GRM5: variants seen among roughly 807,000 people sequenced by gnomAD.
GRM5 encodes the protein metabotropic glutamate receptor 5.
A neutral mutation model predicts 83.1 loss-of-function variants in GRM5; 19 were observed. The ratio of observed to expected loss-of-function variants is 0.23; its 90% confidence interval spans 0.16 to 0.34. The LOEUF (loss-of-function observed/expected upper bound fraction) is 0.34, where lower values mean the gene tolerates loss of function less well. GRM5 is among the 10% of genes least tolerant of loss of function. The probability of loss-of-function intolerance (pLI) is 1.00; values close to 1 mark genes in which losing one functional copy is unlikely to be tolerated. For synonymous variants in GRM5, 675 were observed against 633.6 expected, an observed-to-expected ratio of 1.07 and a Z score of -0.98; for missense variants, 1,160 against 1,588.3, an observed-to-expected ratio of 0.73 and a Z score of 4.58.
At chr11:88,646,286 T>G (rs1200153246) in intron 4 of GRM5, among the ~76,000 whole-genome samples, 4 of 152,022 alleles carry the variant, frequency 2.6e-5, no homozygotes, top group Non-Finnish European at 4.4e-5. Context: ...TAGAGAAAAA[T>G]TATACTCTTA....
At chr11:88,766,754 G>A (rs150347413) in intron 3 of GRM5, among the ~76,000 whole-genome samples, 5 of 151,958 alleles carry the variant, frequency 3.3e-5, no homozygotes, top group Middle Eastern at 3.2e-3. Context: ...TATCAACAGA[G>A]TAAACAGACA....
chr11:88,748,468 G>A (rs1054546452), intron 3 of GRM5, among the ~76,000 whole-genome samples: 1 of 152,128 alleles, frequency 6.6e-6, no homozygotes, highest in Non-Finnish European at 1.5e-5. Context: ...CCAGGGGGAG[G>A]GGTAGCCATC....
At chr11:88,762,811 A>G (rs1942551758) in intron 3 of GRM5, among the ~76,000 whole-genome samples, 1 of 152,050 alleles carries the variant, frequency 6.6e-6, no homozygotes, top group Non-Finnish European at 1.5e-5. Flanking sequence ...AAAACATAGT[A>G]CATGTGCACC....
intron 3 of GRM5, among the ~76,000 whole-genome samples, chr11:88,746,081 G>A (rs1480199583): frequency 6.6e-6 from 1 of 152,016 alleles, no homozygotes; most frequent in Non-Finnish European, 1.5e-5. Context: ...GCCCCCTTTG[G>A]TTCCAACCTT....
chr11:89,050,742 T>C (rs186665322), intron 1 of GRM5, among the ~76,000 whole-genome samples: 1 of 152,178 alleles, frequency 6.6e-6, no homozygotes, highest in East Asian at 1.9e-4. Context: ...ATAAAGAAAA[T>C]GTGGTACATA....
chr11:88,961,442 C>A (rs1938781181), intron 2 of GRM5, among the ~76,000 whole-genome samples: 1 of 151,854 alleles, frequency 6.6e-6, no homozygotes, highest in Non-Finnish European at 1.5e-5. Flanking sequence ...CTGCCATTTG[C>A]AACTGTGCCA....
chr11:88,795,934 C>T (rs537794346), intron 3 of GRM5, among the ~76,000 whole-genome samples: 2 of 152,268 alleles, frequency 1.3e-5, no homozygotes, highest in South Asian at 2.1e-4. Flanking sequence ...ATTAGCTAAT[C>T]ATCTGGATTG....
intron 4 of GRM5, among the ~76,000 whole-genome samples, chr11:88,637,219 A>T (rs1056359858): frequency 6.6e-6 from 1 of 152,210 alleles, no homozygotes; most frequent in Non-Finnish European, 1.5e-5. Context: ...AAACCTAGGC[A>T]TTACCATTCA....
At chr11:88,760,784 T>A (rs575759702) in intron 3 of GRM5, among the ~76,000 whole-genome samples, 73 of 152,246 alleles carry the variant, frequency 4.8e-4, no homozygotes, top group African/African-American at 1.7e-3. Context: ...ATACCCTTCA[T>A]GAACATTGAT....
intron 3 of GRM5, among the ~76,000 whole-genome samples, chr11:88,796,577 C>A (rs185518021): frequency 6.6e-6 from 1 of 151,962 alleles, no homozygotes; most frequent in Non-Finnish European, 1.5e-5. Context: ...AAGCCAGGAA[C>A]AAATGGTAAG....
chr11:88,836,657 T>C (rs1590898053), intron 3 of GRM5, among the ~76,000 whole-genome samples: 2 of 152,222 alleles, frequency 1.3e-5, no homozygotes, highest in East Asian at 3.9e-4. Context: ...TAGCTGGGCA[T>C]GGTGGTGCAT....
intron 3 of GRM5, among the ~76,000 whole-genome samples, chr11:88,846,582 G>C (rs1944307037): frequency 6.6e-6 from 1 of 152,166 alleles, no homozygotes; most frequent in African/African-American, 2.4e-5. Flanking sequence ...TAAGTTGAAC[G>C]ACCTATTAAA....
intron 7 of GRM5, among the ~76,000 whole-genome samples, chr11:88,587,449 A>G (rs1386479390): frequency 6.6e-6 from 1 of 152,152 alleles, no homozygotes; most frequent in East Asian, 1.9e-4. Context: ...GATTGAAACT[A>G]GAAAGATCAT....
chr11:88,706,386 C>T (rs1591454079), intron 3 of GRM5, among the ~76,000 whole-genome samples: 1 of 152,166 alleles, frequency 6.6e-6, no homozygotes, highest in South Asian at 2.1e-4. Context: ...TTGTAATTTT[C>T]TATTAAAGTA....
At chr11:88,823,402 G>A (rs1305288896) in intron 3 of GRM5, among the ~76,000 whole-genome samples, 1 of 151,918 alleles carries the variant, frequency 6.6e-6, no homozygotes, top group Non-Finnish European at 1.5e-5. Flanking sequence ...CCTCCCTGAA[G>A]AGTTTCTATA....
intron 3 of GRM5, among the ~76,000 whole-genome samples, chr11:88,774,139 T>C (rs1942798240): frequency 6.6e-6 from 1 of 152,192 alleles, no homozygotes; most frequent in Admixed American, 6.5e-5. Flanking sequence ...GAGCAGTGGT[T>C]TGTAGTTTTC....
At chr11:88,810,197 A>G (rs1156349603) in intron 3 of GRM5, among the ~76,000 whole-genome samples, 4 of 152,074 alleles carry the variant, frequency 2.6e-5, no homozygotes, top group Non-Finnish European at 4.4e-5. Flanking sequence ...CAAGTTTGAG[A>G]TAATGGAAGG....
At chr11:88,525,219 T>G in intron 9 of GRM5, 90 bp downstream of exon 9, 1 of 783,468 alleles carries the variant, frequency 1.3e-6, no homozygotes, top group East Asian at 2.4e-5. Context: ...GTTGCACAGT[T>G]GAGTGAGGAC....
At chr11:88,853,975 A>C (rs1174548442) in intron 2 of GRM5, among the ~76,000 whole-genome samples, 1 of 150,674 alleles carries the variant, frequency 6.6e-6, no homozygotes, top group Non-Finnish European at 1.5e-5. Flanking sequence ...GCTAATTTTA[A>C]CTGCACTCTC....
Sources: gnomAD v4.1 joint callset for allele counts (sites outside exome capture counted in the v4.1 genomes callset) on GRCh38, gnomAD v4.1.1 for gene constraint, MANE v1.5 for transcripts, NCBI Gene and HGNC (gene_info 2026-07-23, HGNC 2026-07-21) for gene names.